Variants in KAZN observed in about 807,000 individuals in gnomAD.
The protein encoded by KAZN is kazrin.
In KAZN, 40 loss-of-function variants were observed where a neutral mutation model predicts 87.4. The observed-to-expected ratio is 0.46, with a 90% confidence interval of 0.36 to 0.60. The LOEUF (loss-of-function observed/expected upper bound fraction) is 0.60. Ranked by LOEUF, KAZN falls within the 20% of genes least tolerant of loss-of-function variation. KAZN has a pLI of 0.00. For synonymous variants in KAZN, 466 were observed against 458.3 expected (o/e 1.02, Z -0.22); for missense variants, 898 against 1,073.9 (o/e 0.84, Z 2.29).
intron 1 of KAZN, among the ~76,000 whole-genome samples, chr1:14,652,124 T>G (rs1303494430): frequency 6.6e-6 from 1 of 152,180 alleles, no homozygotes; most frequent in Non-Finnish European, 1.5e-5. Context: ...CAAAACAAGC[T>G]AAGCAGCAGA....
intron 1 of KAZN, among the ~76,000 whole-genome samples, chr1:13,937,046 CTTTTG>C (rs1170144805): frequency 7.6e-6 from 1 of 131,366 alleles, no homozygotes; most frequent in African/African-American, 3.0e-5. Context: ...CTTTTTTTTT[CTTTTG>C]TTTTTTTTTT....
intron 2 of KAZN, among the ~76,000 whole-genome samples, chr1:14,231,170 T>A (rs1647791335): frequency 6.6e-6 from 1 of 152,170 alleles, no homozygotes; most frequent in South Asian, 2.1e-4. Context: ...TGGTTCTTAT[T>A]AGTAGGGAAA....
chr1:14,722,589 C>T (rs1441295177), intron 1 of KAZN, among the ~76,000 whole-genome samples: 1 of 152,132 alleles, frequency 6.6e-6, no homozygotes, highest in Admixed American at 6.5e-5. Context: ...ATGAGCATAC[C>T]TTTGTAAAAT....
rs1414680255 is a variant in KAZN at position 15,021,011 on chromosome 1, T to G, written c.419-13738T>G. On this transcript the variant is annotated intron_variant, in intron 2 of 14. Coordinates refer to ENST00000376030, the MANE Select transcript of KAZN (RefSeq NM_201628.3). This position sits in a 1 kb window ranked among gnomAD's most constrained non-coding sequence, Gnocchi z 4.2. Reference sequence around the variant, plus strand: ...GCATCTGCCTTCAACAACCCTGCTGTGTCTCTGTTACGCAGCAGGGGTGAG... The same window carrying G: ...GCATCTGCCTTCAACAACCCTGCTGGGTCTCTGTTACGCAGCAGGGGTGAG... Among the ~76,000 whole-genome samples the G allele has an allele frequency of 6.6e-6, 1 of 152,192 alleles. No individual in the cohort carries two copies. The highest frequency in any genetic ancestry group is 1.9e-4 in the East Asian group (1 of 5,198).
chr1:14,132,237 GCTCCCTTCCACCTC>G (rs1242125453), intron 1 of KAZN, among the ~76,000 whole-genome samples: 1 of 152,096 alleles, frequency 6.6e-6, no homozygotes, highest in Non-Finnish European at 1.5e-5. Context: ...GGAGGCATTT[GCTCCCTTCCACCTC>G]CCCACTCTGG....
intron 1 of KAZN, among the ~76,000 whole-genome samples, chr1:14,168,133 A>G (rs1282138804): frequency 6.6e-6 from 1 of 152,210 alleles, no homozygotes; most frequent in Non-Finnish European, 1.5e-5. Flanking sequence ...GGACAACGAC[A>G]TTCAAATGAA....
At chr1:14,863,600 C>T (rs1012086765) in intron 1 of KAZN, among the ~76,000 whole-genome samples, 1 of 152,072 alleles carries the variant, frequency 6.6e-6, no homozygotes, top group Admixed American at 6.6e-5. Flanking sequence ...AATTCCTAAC[C>T]TTAGGGGCTG....
At chr1:14,828,711 A>G (rs933382749) in intron 1 of KAZN, among the ~76,000 whole-genome samples, 5 of 152,144 alleles carry the variant, frequency 3.3e-5, no homozygotes, top group Non-Finnish European at 7.4e-5. Context: ...CCCACTAAAT[A>G]AAAAAATGCT....
chr1:15,112,157 G>A lies in KAZN; in HGVS notation c.2049-270G>A, dbSNP rs150412133. Reference sequence around the variant, plus strand: ...GATCTTGATTCTGCCGCTAACAGCTGTGTCGTCTTGGGCAAATTGCTTGCT... The same window carrying A: ...GATCTTGATTCTGCCGCTAACAGCTATGTCGTCTTGGGCAAATTGCTTGCT... On this transcript the variant is annotated intron_variant, in intron 13 of 14. Transcript: ENST00000376030. The A allele has an allele frequency of 1.5e-4, 75 of 515,188 alleles. No individual in the cohort carries two copies. The East Asian group carries it at 2.6e-3, about 18-fold the overall frequency. The allele number at this position is 515,188 out of a possible 1,614,324, so 31.9% of individuals were successfully genotyped here.
chr1:15,089,732 CAA>C (rs56260619), intron 8 of KAZN, among the ~76,000 whole-genome samples: 1,025 of 68,698 alleles, frequency 0.015, 1 homozygote, highest in Non-Finnish European at 0.022. Context: ...CTTTTATTGG[CAA>C]AAAAAAAAAA....
At chr1:14,108,636 G>A (rs1282338684) in intron 1 of KAZN, among the ~76,000 whole-genome samples, 9 of 152,128 alleles carry the variant, frequency 5.9e-5, no homozygotes, top group Non-Finnish European at 1.0e-4. Flanking sequence ...CTCCCAGGGA[G>A]CAGAATTGGC....
chr1:14,291,475 G>A (rs556972202), intron 2 of KAZN, among the ~76,000 whole-genome samples: 19 of 152,314 alleles, frequency 1.2e-4, no homozygotes, highest in Non-Finnish European at 2.2e-4. Flanking sequence ...CTCCATAGGC[G>A]TGGGACCTGC....
intron 8 of KAZN, among the ~76,000 whole-genome samples, chr1:15,083,536 T>C (rs1310004333): frequency 6.6e-6 from 1 of 152,238 alleles, no homozygotes; most frequent in Non-Finnish European, 1.5e-5. Context: ...ATGCAGGCAC[T>C]GTACGGTTTG....
chr1:14,169,086 C>G (rs1204183287), intron 1 of KAZN, among the ~76,000 whole-genome samples: 1 of 152,026 alleles, frequency 6.6e-6, no homozygotes, highest in South Asian at 2.1e-4. Context: ...AGCTGTGGGA[C>G]TCGTATTAAG....
rs552531215 is a variant in KAZN at position 14,774,364 on chromosome 1, C to A, written c.226+175141C>A. Among the ~76,000 whole-genome samples the A allele has an allele frequency of 2.0e-5, 3 of 152,236 alleles. No homozygotes were observed. The East Asian group carries it at 5.8e-4, about 29-fold the overall frequency. ...CCCCTTTCCCAGTGCCCTGAACATA[C>A]AGAAACTCAGCAAACAAATGGTTCT... On this transcript the variant is annotated intron_variant, in intron 1 of 14. Coordinates refer to ENST00000376030, the MANE Select transcript of KAZN (RefSeq NM_201628.3).
intron 2 of KAZN, among the ~76,000 whole-genome samples, chr1:15,016,289 C>T (rs1670090495): frequency 6.6e-6 from 1 of 152,086 alleles, no homozygotes; most frequent in South Asian, 2.1e-4. Context: ...CCAGAGAAGG[C>T]TTTTTTGTTT....
chr1:15,074,631 C>G (rs1167106933), intron 8 of KAZN, among the ~76,000 whole-genome samples: 1 of 152,226 alleles, frequency 6.6e-6, no homozygotes, highest in East Asian at 1.9e-4. Context: ...CACAGGACAA[C>G]TGCATTGAGC....
intron 1 of KAZN, among the ~76,000 whole-genome samples, chr1:14,604,547 C>T (rs890224171): frequency 2.6e-5 from 4 of 152,164 alleles, no homozygotes; most frequent in South Asian, 2.1e-4. Flanking sequence ...GTGGTGGAGG[C>T]GAGGTTGTGC....
At chr1:14,572,582 G>A (rs1018758403) in intron 2 of KAZN, among the ~76,000 whole-genome samples, 1 of 152,190 alleles carries the variant, frequency 6.6e-6, no homozygotes, top group Admixed American at 6.5e-5. Context: ...ACAGTTTGCC[G>A]GCTGGCTTCT....
Sources: gnomAD v4.1 joint callset for allele counts (sites outside exome capture counted in the v4.1 genomes callset) on GRCh38, gnomAD v4.1.1 for gene constraint, Gnocchi (gnomAD v3.1) non-coding constraint, MANE v1.5 for transcripts, NCBI Gene and HGNC (gene_info 2026-07-23, HGNC 2026-07-21) for gene names.